USP22: variants seen among roughly 807,000 people sequenced by gnomAD.
USP22 encodes ubiquitin carboxyl-terminal hydrolase 22.
USP22 carries 22 observed loss-of-function variants against 68.1 expected under a neutral mutation model. The ratio of observed to expected loss-of-function variants is 0.32; its 90% CI spans 0.23 to 0.46. The LOEUF is 0.46. Among genes scored for constraint, USP22 ranks in the 20% least tolerant of loss-of-function variants. The pLI is 1.00. For missense variants in USP22, 433 were observed against 695.8 expected, an observed-to-expected ratio of 0.62 and a Z score of 4.25; for synonymous variants, 279 against 274.2, an observed-to-expected ratio of 1.02 and a Z score of -0.17.
At chr17:21,036,247 C>T (rs929013455) in intron 1 of USP22, among the ~76,000 whole-genome samples, 4 of 151,928 alleles carry the variant, frequency 2.6e-5, no homozygotes, top group Non-Finnish European at 5.9e-5. Context: ...TGGGGCAGTG[C>T]AACTGTTCTG....
At chr17:21,036,030 C>CAAAAAAAAAAAAAAAAAAAAAAA (rs35324126) in intron 1 of USP22, among the ~76,000 whole-genome samples, 1 of 59,638 alleles carries the variant, frequency 1.7e-5, no homozygotes, top group African/African-American at 8.9e-5. Context: ...GACTCCGTCT[C>CAAAAAAAAAAAAAAAAAAAAAAA]AAAAAAAAAA....
intron 4 of USP22, 90 bp downstream of exon 4, chr17:21,018,994 A>G: frequency 7.4e-7 from 1 of 1,342,750 alleles, no homozygotes; most frequent in South Asian, 1.2e-5. Flanking sequence ...CTTCAACAGA[A>G]TCATGTGGAC....
At chr17:21,042,200 G>A (rs1356444974) in intron 1 of USP22, 1 of 154,266 alleles carries the variant, frequency 6.5e-6, no homozygotes, top group Non-Finnish European at 1.4e-5. Context: ...TCCAGAACCA[G>A]GAGAGTTCCC....
Position 21,028,603 on chromosome 17 carries a change from G to A in USP22, c.243C>T (p.Phe81=), listed in dbSNP as rs1567591635. Residue 81 remains phenylalanine, a synonymous_variant, in exon 2 of 13, where the codon TTC becomes TTT. Coordinates refer to ENST00000261497, the MANE Select transcript of USP22 (RefSeq NM_015276.2). ...TATGCTTCTTTGTGAAACAGCCGAA[G>A]AAGACACAGTAGAGGCAGGAATGCA... ...NRLHSCLYCV[F]FGCFTKKHIH... 4 of 1,613,976 alleles carry A rather than the reference G, an allele frequency of 2.5e-6. No individual in the cohort carries two copies. Among genetic ancestry groups the A allele is most frequent in the Non-Finnish European group, 3.4e-6 (4 of 1,180,026 alleles).
chr17:21,027,513 ATCT>A (rs1972237084), intron 2 of USP22, among the ~76,000 whole-genome samples: 1 of 151,318 alleles, frequency 6.6e-6, no homozygotes, highest in Non-Finnish European at 1.5e-5. Context: ...GCCTAAAAAT[ATCT>A]TTACCTGGAA....
At chr17:21,028,329 C>T (rs1326575269) in intron 2 of USP22, among the ~76,000 whole-genome samples, 9 of 152,190 alleles carry the variant, frequency 5.9e-5, no homozygotes, top group Admixed American at 5.9e-4. Flanking sequence ...AGGCCATTCA[C>T]TCAGAACCAT....
At chr17:21,042,575 G>A (rs1972453398) in intron 1 of USP22, 90 bp downstream of exon 1, 5 of 1,214,010 alleles carry the variant, frequency 4.1e-6, no homozygotes, top group Non-Finnish European at 5.2e-6. Flanking sequence ...CGGGGGAAGG[G>A]AAGAGGGCAG....
intron 7 of USP22, 37 bp downstream of exon 7, chr17:21,012,793 G>A (rs773872738): frequency 2.0e-5 from 32 of 1,581,314 alleles, no homozygotes; most frequent in Middle Eastern, 1.7e-4. Context: ...CGGCCCCAGA[G>A]GGTTTGATAT....
intron 1 of USP22, among the ~76,000 whole-genome samples, chr17:21,038,870 G>T (rs946718447): frequency 2.6e-5 from 4 of 152,018 alleles, no homozygotes; most frequent in East Asian, 1.9e-4. Flanking sequence ...CCCTGAAATG[G>T]TAAGAAATTT....
intron 6 of USP22, among the ~76,000 whole-genome samples, chr17:21,013,857 G>A (rs1234745480): frequency 5.4e-4 from 83 of 152,322 alleles, no homozygotes; most frequent in Non-Finnish European, 1.8e-4. Context: ...GGCGGATCAC[G>A]AGGTTAGGAG....
intron 12 of USP22, 125 bp from the exon 13 acceptor site, chr17:21,003,198 G>A (rs901269485): frequency 1.7e-6 from 2 of 1,183,378 alleles, no homozygotes; most frequent in Non-Finnish European, 2.5e-6. Context: ...CCGAGTTGAT[G>A]GTTTTGGCTT....
intron 10 of USP22, among the ~76,000 whole-genome samples, chr17:21,005,544 G>A (rs1913751357): frequency 6.6e-6 from 1 of 152,184 alleles, no homozygotes; most frequent in Non-Finnish European, 1.5e-5. Context: ...AGATCTTTGA[G>A]ACCCTGACCT....
At chr17:21,027,212 CAGG>C (rs1223224130) in intron 2 of USP22, among the ~76,000 whole-genome samples, 1 of 144,888 alleles carries the variant, frequency 6.9e-6, no homozygotes, top group African/African-American at 2.6e-5. Context: ...CTCCTGAGCC[CAGG>C]AGGTCAAGGC....
At chr17:21,005,012 T>C (rs9797279) in intron 10 of USP22, 22 bp from the exon 11 acceptor site, 1,255,017 of 1,613,510 alleles carry the variant, frequency 0.78, 491,988 homozygotes, top group South Asian at 0.84. Flanking sequence ...AACGGCAGGA[T>C]TCAGCATCAT....
At chr17:21,037,355 A>G (rs1157579741) in intron 1 of USP22, among the ~76,000 whole-genome samples, 3 of 152,224 alleles carry the variant, frequency 2.0e-5, no homozygotes, top group Non-Finnish European at 2.9e-5. Flanking sequence ...CAGTACATAA[A>G]GGAGGGAAAG....
chr17:21,018,888 A>G (rs1403680671), intron 4 of USP22, among the ~76,000 whole-genome samples, 196 bp downstream of exon 4: 1 of 152,214 alleles, frequency 6.6e-6, no homozygotes, highest in Non-Finnish European at 1.5e-5. Flanking sequence ...GTTGCTACGC[A>G]TCACTCTGCG....
At chr17:21,039,703 A>G (rs1014088582) in intron 1 of USP22, among the ~76,000 whole-genome samples, 21 of 152,252 alleles carry the variant, frequency 1.4e-4, no homozygotes, top group African/African-American at 3.9e-4. Flanking sequence ...CTGTCCTTAG[A>G]TAACAAAACT....
chr17:21,011,449 G>T, intron 7 of USP22, 140 bp from the exon 8 acceptor site: 3 of 1,128,014 alleles, frequency 2.7e-6, no homozygotes, highest in Non-Finnish European at 3.8e-6. Flanking sequence ...TGGGGCAGGA[G>T]CAAGAGCAGC....
chr17:21,030,963 G>A (rs1972282582), intron 1 of USP22, among the ~76,000 whole-genome samples: 1 of 152,152 alleles, frequency 6.6e-6, no homozygotes, highest in East Asian at 1.9e-4. Flanking sequence ...GTTCTTAGGA[G>A]GTAAACTACC....
Sources: gnomAD v4.1 joint callset for allele counts (sites outside exome capture counted in the v4.1 genomes callset) on GRCh38, gnomAD v4.1.1 for gene constraint, MANE v1.5 for transcripts, NCBI Gene and HGNC (gene_info 2026-07-23, HGNC 2026-07-21) for gene names.